SEMA6D: variants seen among roughly 807,000 people sequenced by gnomAD.
SEMA6D encodes the protein semaphorin 6D.
SEMA6D carries 35 observed loss-of-function variants against 106.6 expected under a neutral mutation model. The ratio of observed to expected loss-of-function variants is 0.33; its 90% CI spans 0.25 to 0.44. The LOEUF is 0.44. Among genes scored for constraint, SEMA6D ranks in the 20% least tolerant of loss-of-function variants. SEMA6D has a pLI of 1.00. For synonymous variants in SEMA6D, 499 were observed against 487.7 expected (o/e 1.02, Z -0.31); for missense variants, 1,185 against 1,345.9 (o/e 0.88, Z 1.87).
intron 1 of SEMA6D, among the ~76,000 whole-genome samples, chr15:47,311,528 C>G (rs939638625): frequency 6.6e-6 from 1 of 152,062 alleles, no homozygotes; most frequent in African/African-American, 2.4e-5. Flanking sequence ...GTTCCAGAAT[C>G]AGGTCATTTT....
intron 3 of SEMA6D, among the ~76,000 whole-genome samples, chr15:47,518,488 A>T (rs1274663955): frequency 6.6e-6 from 1 of 152,234 alleles, no homozygotes. Context: ...GAATGTACTT[A>T]TACCAATCTA....
intron 3 of SEMA6D, among the ~76,000 whole-genome samples, chr15:47,478,219 CA>C (rs1397895893): frequency 1.3e-5 from 2 of 152,098 alleles, no homozygotes; most frequent in East Asian, 3.9e-4. Context: ...ACTTTAGCCC[CA>C]AAGGTTAAAT....
chr15:47,701,580 A>G (rs2078813478), intron 4 of SEMA6D, among the ~76,000 whole-genome samples: 1 of 152,252 alleles, frequency 6.6e-6, no homozygotes, highest in South Asian at 2.1e-4. Flanking sequence ...CAATTTAACC[A>G]TCTGCAATGT....
intron 1 of SEMA6D, among the ~76,000 whole-genome samples, chr15:47,194,007 T>TTG (rs1894154843): frequency 6.6e-6 from 1 of 152,070 alleles, no homozygotes; most frequent in Non-Finnish European, 1.5e-5. Context: ...CCTTAATACT[T>TTG]AACAGAGAGT....
intron 1 of SEMA6D, among the ~76,000 whole-genome samples, chr15:47,286,755 T>C (rs2035380315): frequency 1.3e-5 from 2 of 152,184 alleles, no homozygotes; most frequent in South Asian, 4.1e-4. Flanking sequence ...TTTGAAAACT[T>C]CTGGTTTCTT....
At chr15:47,186,376 T>C (rs1416027241) in intron 1 of SEMA6D, among the ~76,000 whole-genome samples, 1 of 152,032 alleles carries the variant, frequency 6.6e-6, no homozygotes, top group African/African-American at 2.4e-5. Context: ...GAGAGTTAGG[T>C]AGAAGAAAAT....
At chr15:47,383,009 GC>G (rs1393052219) in intron 1 of SEMA6D, among the ~76,000 whole-genome samples, 1 of 152,072 alleles carries the variant, frequency 6.6e-6, no homozygotes, top group Non-Finnish European at 1.5e-5. Flanking sequence ...CAGGTAATCC[GC>G]CCCCCTTGGC....
chr15:47,277,609 A>ATTATTAT (rs374326382), intron 1 of SEMA6D, among the ~76,000 whole-genome samples: 4,755 of 128,536 alleles, frequency 0.037, 245 homozygotes, highest in African/African-American at 0.13. Context: ...TATTATTATT[A>ATTATTAT]TTATTTATTA....
chr15:47,496,833 C>A (rs1312218067), intron 3 of SEMA6D, among the ~76,000 whole-genome samples: 1 of 151,956 alleles, frequency 6.6e-6, no homozygotes, highest in Non-Finnish European at 1.5e-5. Flanking sequence ...ATCTCCAGTT[C>A]CAAAAATTTT....
At chr15:47,732,594 C>T (rs2146735209) in intron 1 of SEMA6D, among the ~76,000 whole-genome samples, 1 of 152,230 alleles carries the variant, frequency 6.6e-6, no homozygotes, top group Middle Eastern at 3.4e-3. Context: ...AACAAAATCA[C>T]CATTTTGTTA....
chr15:47,719,178 G>T, intron 1 of SEMA6D, among the ~76,000 whole-genome samples: 1 of 152,084 alleles, frequency 6.6e-6, no homozygotes, highest in East Asian at 1.9e-4. Flanking sequence ...GAGGGGGATT[G>T]AAGTCCCGGT....
intron 4 of SEMA6D, among the ~76,000 whole-genome samples, chr15:47,608,675 A>T (rs1464975426): frequency 2.0e-5 from 3 of 152,156 alleles, no homozygotes; most frequent in African/African-American, 4.8e-5. Context: ...TAAATCATAT[A>T]TGTATATATA....
chr15:47,457,024 C>T (rs1296895529), intron 2 of SEMA6D, among the ~76,000 whole-genome samples: 1 of 151,952 alleles, frequency 6.6e-6, no homozygotes, highest in Non-Finnish European at 1.5e-5. Context: ...CTCAAGAGAT[C>T]ACATAAGGCT....
chr15:47,729,030 G>A (rs940583244), intron 1 of SEMA6D, among the ~76,000 whole-genome samples: 3 of 152,174 alleles, frequency 2.0e-5, no homozygotes, highest in Admixed American at 2.0e-4. Flanking sequence ...TTTGAGGGGT[G>A]TGGACATTAT....
chr15:47,344,536 A>G (rs2037963699), intron 1 of SEMA6D, among the ~76,000 whole-genome samples: 1 of 152,134 alleles, frequency 6.6e-6, no homozygotes, highest in Non-Finnish European at 1.5e-5. Flanking sequence ...AGATCATGGT[A>G]TGCTCCCTGT....
intron 8 of SEMA6D, 62 bp from the exon 9 acceptor site, chr15:47,762,954 C>T (rs755516668): frequency 6.6e-6 from 8 of 1,215,756 alleles, no homozygotes; most frequent in East Asian, 2.4e-5. Context: ...GCTTTGCAGT[C>T]GGGGTCTTAT....
At chr15:47,672,633 A>G (rs756483139) in intron 4 of SEMA6D, among the ~76,000 whole-genome samples, 2 of 152,196 alleles carry the variant, frequency 1.3e-5, no homozygotes, top group African/African-American at 2.4e-5. Flanking sequence ...GAGTATGTGT[A>G]TTGATGATAT....
chr15:47,725,990 A>AT (rs1396583850), intron 1 of SEMA6D, among the ~76,000 whole-genome samples: 1 of 152,258 alleles, frequency 6.6e-6, no homozygotes, highest in Non-Finnish European at 1.5e-5. Flanking sequence ...GATTAAGCAT[A>AT]TACAAATTCA....
intron 3 of SEMA6D, among the ~76,000 whole-genome samples, chr15:47,472,341 C>T (rs1337701726): frequency 6.6e-6 from 1 of 152,186 alleles, no homozygotes; most frequent in Non-Finnish European, 1.5e-5. Context: ...TCACTTATTG[C>T]ACTACTGGCA....
Sources: allele counts gnomAD v4.1 joint callset (sites outside exome capture counted in the v4.1 genomes callset), GRCh38; gene constraint gnomAD v4.1.1; transcripts MANE v1.5; gene names NCBI Gene and HGNC (gene_info 2026-07-23, HGNC 2026-07-21).